The following SYT14 variants were observed in gnomAD, a reference collection of about 807,000 sequenced individuals.
The protein encoded by SYT14 is synaptotagmin-14.
SYT14 carries 32 observed loss-of-function variants against 74.2 expected under a neutral mutation model. That is an observed-to-expected ratio of 0.43 (90% CI 0.33 to 0.58). SYT14 has a LOEUF of 0.58. Among genes scored for constraint, SYT14 ranks in the 20% least tolerant of loss-of-function variants. The pLI, the probability that SYT14 is intolerant of heterozygous loss-of-function variation, is 0.05. For missense variants in SYT14, 791 were observed against 981.8 expected, an observed-to-expected ratio of 0.81 and a Z score of 2.60; for synonymous variants, 298 against 337.7, an observed-to-expected ratio of 0.88 and a Z score of 1.29.
intron 7 of SYT14, among the ~76,000 whole-genome samples, chr1:210,104,486 C>T (rs540482781): frequency 1.3e-5 from 2 of 152,312 alleles, no homozygotes; most frequent in East Asian, 1.9e-4. Context: ...AGAATGTTTT[C>T]AGTTATCCTT....
chr1:210,097,500 G>A (rs1332061949), intron 6 of SYT14, among the ~76,000 whole-genome samples: 5 of 151,872 alleles, frequency 3.3e-5, no homozygotes, highest in Admixed American at 6.6e-5. Flanking sequence ...TTTCATAAGA[G>A]TTGTTGGAAT....
At chr1:210,141,852 T>G (rs1181032122) in intron 7 of SYT14, among the ~76,000 whole-genome samples, 1 of 152,220 alleles carries the variant, frequency 6.6e-6, no homozygotes, top group Non-Finnish European at 1.5e-5. Context: ...TTTCTGGGCA[T>G]GCACATAGCT....
At chr1:210,081,087 TGTGACTGGATTGAGGG>T (rs1170867381) in intron 5 of SYT14, among the ~76,000 whole-genome samples, 30 of 152,144 alleles carry the variant, frequency 2.0e-4, no homozygotes, top group Admixed American at 1.9e-3. Context: ...AGTGTACGGC[TGTGACTGGATTGAGGG>T]GTATAAGTAT....
chr1:209,963,201 T>G (rs958315054), intron 2 of SYT14, among the ~76,000 whole-genome samples: 51 of 152,204 alleles, frequency 3.4e-4, no homozygotes, highest in African/African-American at 1.2e-3. Flanking sequence ...ATGCCCAGGG[T>G]GTGTGTAAAA....
chr1:209,956,620 A>G (rs2078997603), intron 2 of SYT14, among the ~76,000 whole-genome samples: 1 of 152,166 alleles, frequency 6.6e-6, no homozygotes, highest in Non-Finnish European at 1.5e-5. Context: ...AGGAAGTGTT[A>G]GTGAGTCAGT....
chr1:210,161,119 A>C (rs774651857), exon 10 of SYT14: 2 of 1,475,716 alleles, frequency 1.4e-6, no homozygotes, highest in African/African-American at 2.8e-5. Context: ...ACCAAGTCCC[A>C]TTAGAAGAGC....
chr1:209,993,699 G>T (rs111661902), intron 2 of SYT14, among the ~76,000 whole-genome samples: 51 of 152,186 alleles, frequency 3.4e-4, no homozygotes, highest in African/African-American at 1.2e-3. Context: ...AGGCATGGGC[G>T]CCCATGATTG....
At chr1:210,170,315 A>C (rs2083511349) in exon 10 of SYT14, 1 of 152,084 alleles carries the variant, frequency 6.6e-6, no homozygotes. Context: ...TCTGTTTTAT[A>C]GAGTGAGCAT....
intron 2 of SYT14, among the ~76,000 whole-genome samples, chr1:209,992,907 G>T (rs1031246589): frequency 6.6e-6 from 1 of 152,132 alleles, no homozygotes; most frequent in Non-Finnish European, 1.5e-5. Context: ...ACACTGTGTA[G>T]GTTAACTGAA....
At chr1:209,966,497 G>T (rs1198240053) in intron 2 of SYT14, among the ~76,000 whole-genome samples, 1 of 151,962 alleles carries the variant, frequency 6.6e-6, no homozygotes, top group Non-Finnish European at 1.5e-5. Flanking sequence ...TTTCTATTTA[G>T]TTCTTCTTTA....
At chr1:210,054,869 T>C (rs1257323642) in intron 5 of SYT14, among the ~76,000 whole-genome samples, 1 of 152,236 alleles carries the variant, frequency 6.6e-6, no homozygotes, top group African/African-American at 2.4e-5. Flanking sequence ...CTTAATTCTC[T>C]GTTTTCAGAG....
chr1:209,946,870 T>TCAAGA (rs1449128089), intron 1 of SYT14, among the ~76,000 whole-genome samples: 1 of 152,226 alleles, frequency 6.6e-6, no homozygotes, highest in African/African-American at 2.4e-5. Flanking sequence ...TGTTAGGGGC[T>TCAAGA]GATGCATCTG....
At chr1:210,051,135 G>A (rs2102378143) in intron 5 of SYT14, among the ~76,000 whole-genome samples, 1 of 152,216 alleles carries the variant, frequency 6.6e-6, no homozygotes. Flanking sequence ...CCATAGAACT[G>A]TGGTTCCTAG....
intron 7 of SYT14, among the ~76,000 whole-genome samples, chr1:210,131,323 C>T (rs1439067442): frequency 1.3e-5 from 2 of 151,978 alleles, no homozygotes; most frequent in Admixed American, 6.6e-5. Context: ...TCCCTCTGAA[C>T]GTCTTGCATG....
chr1:210,026,216 G>A (rs1334334232), intron 5 of SYT14, among the ~76,000 whole-genome samples: 1 of 151,840 alleles, frequency 6.6e-6, no homozygotes, highest in Non-Finnish European at 1.5e-5. Context: ...ACTGTGTTGT[G>A]CTTAAAATTA....
intron 5 of SYT14, among the ~76,000 whole-genome samples, chr1:210,077,557 A>G (rs2081526075): frequency 6.6e-6 from 1 of 152,208 alleles, no homozygotes; most frequent in Non-Finnish European, 1.5e-5. Context: ...GAATATATGT[A>G]CAAAAAATCG....
At chr1:210,159,800 G>C (rs956086438) in intron 9 of SYT14, among the ~76,000 whole-genome samples, 13 of 152,046 alleles carry the variant, frequency 8.6e-5, no homozygotes, top group African/African-American at 3.1e-4. Flanking sequence ...ATTTTGATAT[G>C]AAGTACACAT....
At chr1:209,951,428 C>T (rs2078910420) in intron 1 of SYT14, among the ~76,000 whole-genome samples, 1 of 152,124 alleles carries the variant, frequency 6.6e-6, no homozygotes, top group East Asian at 1.9e-4. Context: ...GCATAATGTC[C>T]TCCGGGTTCA....
At chr1:210,059,446 A>ATG (rs1266468623) in intron 5 of SYT14, among the ~76,000 whole-genome samples, 1 of 106,970 alleles carries the variant, frequency 9.3e-6, no homozygotes, top group Non-Finnish European at 1.9e-5. Flanking sequence ...ATATATATAT[A>ATG]TATATAGAGA....
Sources: allele counts gnomAD v4.1 joint callset (sites outside exome capture counted in the v4.1 genomes callset), GRCh38; gene constraint gnomAD v4.1.1; transcripts MANE v1.5; gene names NCBI Gene and HGNC (gene_info 2026-07-23, HGNC 2026-07-21).